The following C16orf89 variants were observed in gnomAD, a reference collection of about 807,000 sequenced individuals.
The protein encoded by C16orf89 is chromosome 16 open reading frame 89.
Under a neutral mutation model 41.5 loss-of-function variants are expected in C16orf89, and 57 were observed. The observed-to-expected ratio is 1.38, with a 90% CI of 1.11 to 1.71. The LOEUF (loss-of-function observed/expected upper bound fraction) is 1.71, where lower values mean the gene tolerates loss of function less well. Among genes scored for constraint, C16orf89 ranks in the 40% most tolerant of loss-of-function variants. The pLI is 0.00. For missense variants in C16orf89, 575 were observed against 445.9 expected, an observed-to-expected ratio of 1.29 and a Z score of -2.61; for synonymous variants, 223 against 190.6, an observed-to-expected ratio of 1.17 and a Z score of -1.40.
rs548292832 is a variant in C16orf89 at position 5,060,034 on chromosome 16, G to T, written c.509+252C>A. 2.0e-5 allele frequency among the ~76,000 whole-genome samples: 3 copies of T among 152,194 alleles called. No individual in the cohort carries two copies. The South Asian group carries it at 6.2e-4, about 32-fold the overall frequency. ...AGAGGAATTGGGGATTTGTCCTGGG[G>T]CCTGGAGGTGGTGTGTTCAGCCATG... is the stretch of plus-strand genomic sequence containing the variant. On this transcript the variant is annotated intron_variant, in intron 3 of 7. Transcript: ENST00000472572.
At position 5,056,206 on chromosome 16, in the gene C16orf89, C is replaced by T. The variant is rs367572318; in HGVS notation, c.628-18G>A. On this transcript the variant is annotated intron_variant, in intron 4 of 7. Transcript: ENST00000472572. ...CACCCCCTCTGGGGAGACAAACACCCAAAGACAAGGGAGTCAGTGGTACAG... is the reference window on the plus strand; with the variant it reads ...CACCCCCTCTGGGGAGACAAACACCTAAAGACAAGGGAGTCAGTGGTACAG... 1.9e-5 allele frequency: 30 copies of T among 1,577,526 alleles called. No homozygotes were observed. The highest frequency in any genetic ancestry group is 4.6e-5 in the East Asian group (2 of 43,880).
rs57044296 is a variant in C16orf89 at position 5,061,338 on chromosome 16, C to G, written c.359-902G>C. 8.5e-3 allele frequency among the ~76,000 whole-genome samples: 1,149 copies of G among 135,482 alleles called. 15 individuals carry two copies. The highest frequency in any genetic ancestry group is 0.041 in the East Asian group (183 of 4,468). The allele number at this position is 135,482 out of a possible 152,430, so 88.9% of individuals were successfully genotyped here. ...CCCAGCTACTTGAGAGAGGCTAAAG[C>G]AGGAAAATCACTTGAACCCAGGTTG... is the stretch of plus-strand genomic sequence containing the variant. On this transcript the variant is annotated intron_variant, in intron 2 of 7. Transcript: ENST00000472572.
chr16:5,059,494 T>G (rs1299523182), intron 3 of C16orf89, among the ~76,000 whole-genome samples: 2 of 151,952 alleles, frequency 1.3e-5, no homozygotes, highest in Non-Finnish European at 2.9e-5. Flanking sequence ...ATAAAAATTT[T>G]TAAAAAGCAG....
intron 6 of C16orf89, among the ~76,000 whole-genome samples, chr16:5,048,915 A>G (rs1189220822): frequency 2.0e-5 from 3 of 152,032 alleles, no homozygotes; most frequent in Non-Finnish European, 2.9e-5. Flanking sequence ...CTTAAAAGAT[A>G]TATAGAGTGG....
chr16:5,060,101 G>T, intron 3 of C16orf89, 185 bp downstream of exon 3: 1 of 617,740 alleles, frequency 1.6e-6, no homozygotes, highest in Non-Finnish European at 2.5e-6. Context: ...CCAGCGGGCG[G>T]CTGGAGCAAG....
intron 2 of C16orf89, among the ~76,000 whole-genome samples, chr16:5,061,768 C>T (rs1209555480): frequency 6.6e-5 from 10 of 152,124 alleles, no homozygotes; most frequent in East Asian, 5.8e-4. Flanking sequence ...GCTACCTCCC[C>T]GCTCACCCCC....
chr16:5,053,668 C>G (rs1167208056), intron 6 of C16orf89, among the ~76,000 whole-genome samples: 2 of 151,894 alleles, frequency 1.3e-5, no homozygotes, highest in Non-Finnish European at 2.9e-5. Flanking sequence ...CTCATTCTCC[C>G]AAGTAGCCGG....
chr16:5,058,855 A>G (rs11865786), intron 3 of C16orf89, among the ~76,000 whole-genome samples: 1,660 of 152,154 alleles, frequency 0.011, 22 homozygotes, highest in African/African-American at 0.037. Flanking sequence ...GAAACTTCCT[A>G]TTGCTCCATG....
downstream of C16orf89, chr16:5,043,282 T>G (rs2142583818): frequency 1.3e-5 from 2 of 154,222 alleles, no homozygotes; most frequent in Middle Eastern, 6.4e-3. Flanking sequence ...CTCGAACTTC[T>G]GAATCCAAGC....
chr16:5,063,192 A>T (rs574650965), intron 1 of C16orf89, among the ~76,000 whole-genome samples: 76 of 152,260 alleles, frequency 5.0e-4, no homozygotes, highest in Middle Eastern at 3.4e-3. Context: ...CAGGGCTGAG[A>T]GGGCGAGGGA....
chr16:5,055,200 C>T lies in C16orf89; in HGVS notation c.868+46G>A, dbSNP rs959417850. On this transcript the variant is annotated intron_variant, in intron 6 of 7. Coordinates refer to ENST00000472572, the MANE Select transcript of C16orf89 (RefSeq NM_001098514.3). ...TGGCCTAGAAACTCAGAGCCACCCCCACCCCCACTGCCCCCCTTCTTAGCC... is the reference window on the plus strand; with the variant it reads ...TGGCCTAGAAACTCAGAGCCACCCCTACCCCCACTGCCCCCCTTCTTAGCC... 15 of 1,489,790 alleles carry T rather than the reference C, an allele frequency of 1.0e-5. No homozygotes were observed. The African/African-American group carries it at 1.8e-4, about 18-fold the overall frequency. The allele number at this position is 1,489,790 out of a possible 1,614,324, so 92.3% of individuals were successfully genotyped here.
chr16:5,055,881 C>G (rs1025674131), intron 5 of C16orf89, 172 bp downstream of exon 5: 2 of 1,259,404 alleles, frequency 1.6e-6, no homozygotes, highest in Non-Finnish European at 2.2e-6. Context: ...CATTGCTTAT[C>G]TGAAGTTCAA....
intron 5 of C16orf89, 155 bp downstream of exon 5, chr16:5,055,898 C>A: frequency 1.6e-6 from 2 of 1,242,810 alleles, no homozygotes; most frequent in Admixed American, 4.3e-5. Flanking sequence ...TCAAATTTAA[C>A]TGAGCACTCT....
intron 7 of C16orf89, among the ~76,000 whole-genome samples, chr16:5,046,999 G>C (rs1567150001): frequency 6.6e-6 from 1 of 152,080 alleles, no homozygotes; most frequent in South Asian, 2.1e-4. Flanking sequence ...TTGGCTTTCG[G>C]GTCCCTTCTC....
At chr16:5,061,411 C>T (rs1351024002) in intron 2 of C16orf89, among the ~76,000 whole-genome samples, 3 of 114,886 alleles carry the variant, frequency 2.6e-5, no homozygotes, top group Non-Finnish European at 3.3e-5. Flanking sequence ...CCAGCCTGGG[C>T]GACAGGGTGA....
chr16:5,058,176 G>T (rs1480604870), intron 4 of C16orf89, among the ~76,000 whole-genome samples: 1 of 151,744 alleles, frequency 6.6e-6, no homozygotes, highest in African/African-American at 2.4e-5. Flanking sequence ...TGCCTGGGCT[G>T]GAGTGCAGTG....
intron 7 of C16orf89, among the ~76,000 whole-genome samples, chr16:5,047,078 A>G (rs1956310961): frequency 6.6e-6 from 1 of 152,052 alleles, no homozygotes; most frequent in Non-Finnish European, 1.5e-5. Context: ...TGTCTTGCCT[A>G]CTGGTTTCGA....
chr16:5,056,317 C>G, intron 4 of C16orf89, 129 bp from the exon 5 acceptor site: 1 of 829,394 alleles, frequency 1.2e-6, no homozygotes, highest in East Asian at 2.8e-5. Flanking sequence ...GTGTTTAGGG[C>G]AGGTCTTTTT....
Position 5,060,419 on chromosome 16 carries a change from G to A in C16orf89, c.376C>T (p.Gln126Ter), listed in dbSNP as rs371802333. The A allele has an allele frequency of 1.4e-5, 22 of 1,612,886 alleles. No homozygotes were observed. In the Admixed American group the frequency reaches 3.0e-4, roughly 22 times the overall value. The change falls in exon 3 of 8, where the codon CAG (glutamine) becomes TAG (stop). Residue 126 changes from glutamine (Q) to a stop codon, truncating the protein, a stop_gained. Coordinates refer to ENST00000472572, the MANE Select transcript of C16orf89 (RefSeq NM_001098514.3). LOFTEE classifies it high-confidence loss of function. ...TGTGGGAGCTTCCAAAACCCGGGCTGGAGGGTCAGCTGGAACTCTGGCAGA... is the reference window on the plus strand; with the variant it reads ...TGTGGGAGCTTCCAAAACCCGGGCTAGAGGGTCAGCTGGAACTCTGGCAGA... ...KYLREFQLTLQPGFWKLPHAW... is the reference protein window; with the variant it reads ...KYLREFQLTL
Sources: gnomAD v4.1 joint callset for allele counts (sites outside exome capture counted in the v4.1 genomes callset) on GRCh38, gnomAD v4.1.1 for gene constraint, MANE v1.5 for transcripts, NCBI Gene and HGNC (gene_info 2026-07-23, HGNC 2026-07-21) for gene names.